FBXL17: variants seen among roughly 807,000 people sequenced by gnomAD.
FBXL17 encodes F-box and leucine rich repeat protein 17.
FBXL17 carries 22 observed loss-of-function variants against 66.2 expected under a neutral mutation model. The ratio of observed to expected loss-of-function variants is 0.33; its 90% CI spans 0.24 to 0.47. The LOEUF is 0.47. Ranked by LOEUF, FBXL17 falls within the 20% of genes least tolerant of loss-of-function variation. FBXL17 has a pLI of 1.00. For missense variants in FBXL17, 878 were observed against 948.2 expected (o/e 0.93, Z 0.97); for synonymous variants, 474 against 400.5 (o/e 1.18, Z -2.19).
At chr5:107,955,655 GA>G (rs1250091346) in intron 7 of FBXL17, among the ~76,000 whole-genome samples, 13 of 152,140 alleles carry the variant, frequency 8.5e-5, no homozygotes, top group African/African-American at 2.9e-4. Context: ...CTGGCTTATG[GA>G]AAAACTAATT....
At position 107,875,762 on chromosome 5, in the gene FBXL17, G is replaced by C. The variant is rs187719816; in HGVS notation, c.1965+5275C>G. On this transcript the variant is annotated intron_variant, in intron 8 of 8. Transcript: ENST00000542267. ...CTCAACTAAGAACTTCAGGAATTGG[G>C]GCAGGTAAGGAGAAAGGTCTTGGCA... Among the ~76,000 whole-genome samples, 266 of 152,280 alleles carry C rather than the reference G, an allele frequency of 1.7e-3. 4 individuals are homozygous for C. Among genetic ancestry groups the C allele is most frequent in the African/African-American group, 6.0e-3 (248 of 41,550 alleles).
At chr5:107,925,466 G>T (rs1187515350) in intron 7 of FBXL17, among the ~76,000 whole-genome samples, 1 of 152,154 alleles carries the variant, frequency 6.6e-6, no homozygotes, top group Non-Finnish European at 1.5e-5. Flanking sequence ...GCACGTACCT[G>T]TCTGTGACTT....
At chr5:108,328,712 A>G (rs547121323) in intron 4 of FBXL17, among the ~76,000 whole-genome samples, 22 of 151,560 alleles carry the variant, frequency 1.5e-4, no homozygotes, top group Admixed American at 1.4e-3. Context: ...ACTTTTTTTT[A>G]TGAGAACAAG....
chr5:108,323,606 C>T (rs1759720179), intron 4 of FBXL17, among the ~76,000 whole-genome samples: 1 of 151,900 alleles, frequency 6.6e-6, no homozygotes, highest in African/African-American at 2.4e-5. Flanking sequence ...CATCCTAAAA[C>T]TCATATGGAA....
At chr5:108,341,966 T>A (rs1746909719) in intron 4 of FBXL17, among the ~76,000 whole-genome samples, 1 of 152,162 alleles carries the variant, frequency 6.6e-6, no homozygotes, top group South Asian at 2.1e-4. Flanking sequence ...ATCCCTCACA[T>A]AAGAATAACT....
At chr5:108,206,078 C>T (rs1261940684) in intron 5 of FBXL17, among the ~76,000 whole-genome samples, 1 of 152,106 alleles carries the variant, frequency 6.6e-6, no homozygotes, top group Non-Finnish European at 1.5e-5. Flanking sequence ...ATGGGAATAT[C>T]AATCCACATA....
At chr5:108,259,559 T>C (rs1756723555) in intron 4 of FBXL17, among the ~76,000 whole-genome samples, 1 of 151,950 alleles carries the variant, frequency 6.6e-6, no homozygotes, top group Admixed American at 6.6e-5. Flanking sequence ...CAGCCTCAGT[T>C]AGAAATGAAT....
chr5:108,299,894 C>T (rs1159993921), intron 4 of FBXL17: 1 of 862,982 alleles, frequency 1.2e-6, no homozygotes. Context: ...CCCAGAACAT[C>T]TAAAATGATG....
chr5:108,289,713 T>C (rs1411023053), intron 4 of FBXL17, among the ~76,000 whole-genome samples: 2 of 152,096 alleles, frequency 1.3e-5, no homozygotes, highest in Non-Finnish European at 2.9e-5. Context: ...GTAACTGTGT[T>C]TTGGGGAAAA....
intron 2 of FBXL17, among the ~76,000 whole-genome samples, chr5:108,367,095 T>G (rs902835799): frequency 3.9e-5 from 6 of 152,120 alleles, no homozygotes; most frequent in Admixed American, 6.6e-5. Flanking sequence ...ACACTAGTAG[T>G]AATACACCAT....
chr5:108,281,417 A>G (rs1757697328), intron 4 of FBXL17, among the ~76,000 whole-genome samples: 2 of 152,010 alleles, frequency 1.3e-5, no homozygotes, highest in Non-Finnish European at 2.9e-5. Flanking sequence ...GAAATTACAC[A>G]ACATACTCCT....
intron 7 of FBXL17, among the ~76,000 whole-genome samples, chr5:108,019,481 A>G (rs1754504334): frequency 6.6e-6 from 1 of 152,080 alleles, no homozygotes; most frequent in African/African-American, 2.4e-5. Flanking sequence ...GGGATTTACT[A>G]TCCATAACTC....
intron 7 of FBXL17, among the ~76,000 whole-genome samples, chr5:107,959,022 A>C (rs1301440040): frequency 6.6e-6 from 1 of 152,154 alleles, no homozygotes. Flanking sequence ...TCAGGAAGTG[A>C]CTTGAATCAT....
intron 8 of FBXL17, chr5:107,878,908 G>C (rs1748695399): frequency 1.0e-6 from 1 of 985,370 alleles, no homozygotes; most frequent in South Asian, 4.7e-5. Context: ...CGTCGTGCTG[G>C]AGCCAATGGG....
chr5:108,006,946 GC>G, intron 7 of FBXL17, among the ~76,000 whole-genome samples: 1 of 152,278 alleles, frequency 6.6e-6, no homozygotes, highest in Non-Finnish European at 1.5e-5. Flanking sequence ...AAAGAAAATT[GC>G]ATGGAATTTT....
chr5:108,264,241 A>AAAAT (rs1756956109), intron 4 of FBXL17, among the ~76,000 whole-genome samples: 1 of 149,794 alleles, frequency 6.7e-6, no homozygotes, highest in Non-Finnish European at 1.5e-5. Flanking sequence ...AAAAAAAAAA[A>AAAAT]TCTCTACTTT....
rs189082122 is a variant in FBXL17, at chr5:108,116,435, C to T, written c.1745+69682G>A. Reference sequence around the variant, plus strand: ...AGGGTGGATCATGAGGTCAAGAGATCGAGACTGTCCTGGCCAACATGGTGA... The same window carrying T: ...AGGGTGGATCATGAGGTCAAGAGATTGAGACTGTCCTGGCCAACATGGTGA... On this transcript the variant is annotated intron_variant, in intron 6 of 8. Coordinates refer to ENST00000542267, the MANE Select transcript of FBXL17 (RefSeq NM_001163315.3). 1.1e-3 allele frequency among the ~76,000 whole-genome samples: 162 copies of T among 150,466 alleles called. 2 individuals carry two copies. The highest frequency in any genetic ancestry group is 3.7e-3 in the African/African-American group (151 of 40,928).
intron 7 of FBXL17, among the ~76,000 whole-genome samples, chr5:107,984,591 G>A (rs936182395): frequency 2.0e-5 from 3 of 151,984 alleles, no homozygotes; most frequent in African/African-American, 2.4e-5. Context: ...TCAAACCCAC[G>A]CACGCCTTTG....
intron 6 of FBXL17, among the ~76,000 whole-genome samples, chr5:108,128,875 T>A (rs1264944635): frequency 6.6e-6 from 1 of 152,090 alleles, no homozygotes; most frequent in Non-Finnish European, 1.5e-5. Context: ...CAGGAACAAC[T>A]AGATATTTAA....
Sources: gnomAD v4.1 joint callset for allele counts (sites outside exome capture counted in the v4.1 genomes callset) on GRCh38, gnomAD v4.1.1 for gene constraint, MANE v1.5 for transcripts, NCBI Gene and HGNC (gene_info 2026-07-23, HGNC 2026-07-21) for gene names.